SEC24A: variants seen among roughly 807,000 people sequenced by gnomAD.
SEC24A encodes the protein protein transport protein Sec24A.
SEC24A carries 93 observed loss-of-function variants against 129.4 expected under a neutral mutation model. The observed-to-expected ratio is 0.72, with a 90% CI of 0.61 to 0.85. The LOEUF is 0.85. Ranked by LOEUF, SEC24A falls within the 40% of genes least tolerant of loss-of-function variation. The pLI, the probability that SEC24A is intolerant of heterozygous loss-of-function variation, is 0.00. For synonymous variants in SEC24A, 460 were observed against 467.3 expected, an observed-to-expected ratio of 0.98 and a Z score of 0.20; for missense variants, 1,264 against 1,307.4, an observed-to-expected ratio of 0.97 and a Z score of 0.51.
intron 8 of SEC24A, among the ~76,000 whole-genome samples, chr5:134,679,955 C>T (rs910083005): frequency 6.6e-6 from 1 of 151,708 alleles, no homozygotes; most frequent in Non-Finnish European, 1.5e-5. Context: ...ATGGATATCC[C>T]ATTTTTACAT....
rs1268508611 is a variant in SEC24A at position 134,725,511 on chromosome 5, A to G, written c.*417A>G. 1.3e-5 allele frequency: 2 copies of G among 153,768 alleles called. No individual in the cohort carries two copies. Among genetic ancestry groups the G allele is most frequent in the Non-Finnish European group, 2.9e-5 (2 of 68,916 alleles). 9.5% of individuals were successfully genotyped at this position (153,768 alleles called of 1,614,324 possible). A position where few individuals can be genotyped will look rare whatever the true frequency, so the allele number is the denominator to read the frequency against. ...ACCTAAGTGTTGCAGGGAAGTTACA[A>G]ATTGATTGGTAGTGATGTTTTTAAA... On this transcript the variant is annotated 3_prime_UTR_variant, in exon 23 of 23. Coordinates refer to ENST00000398844, the MANE Select transcript of SEC24A (RefSeq NM_021982.3).
intron 8 of SEC24A, 134 bp from the exon 9 acceptor site, chr5:134,682,239 T>A: frequency 2.0e-6 from 1 of 509,540 alleles, no homozygotes; most frequent in Non-Finnish European, 3.5e-6. Context: ...TGAAACTCTG[T>A]CTCAAAAAAA....
intron 13 of SEC24A, 75 bp from the exon 14 acceptor site, chr5:134,697,051 A>G: frequency 2.4e-6 from 2 of 825,180 alleles, no homozygotes; most frequent in East Asian, 5.4e-5. Context: ...ATCATGATGT[A>G]TGTAGATGTG....
rs1329648680 is a variant in SEC24A, at chr5:134,705,074, A to ATT, written c.2441-252_2441-251insTT. 1.7e-4 allele frequency among the ~76,000 whole-genome samples: 21 copies of ATT among 124,912 alleles called. 1 individual carries two copies. Among genetic ancestry groups the ATT allele is most frequent in the South Asian group, 1.6e-3 (6 of 3,698 alleles). 81.9% of individuals were successfully genotyped at this position (124,912 alleles called of 152,430 possible). On this transcript the variant is annotated intron_variant, in intron 16 of 22. Coordinates refer to ENST00000398844, the MANE Select transcript of SEC24A (RefSeq NM_021982.3). ...AGAAGTTATTTATATTTATATTTATATATATATATATATATATTTTTTTTT... is the reference window on the plus strand; with the variant it reads ...AGAAGTTATTTATATTTATATTTATATTTATATATATATATATATTTTTTTTT...
At chr5:134,658,588 G>A (rs924580552) in intron 1 of SEC24A, among the ~76,000 whole-genome samples, 7 of 151,876 alleles carry the variant, frequency 4.6e-5, no homozygotes, top group African/African-American at 1.7e-4. Flanking sequence ...TAATTTTTTT[G>A]TGTGGAAATG....
Position 134,661,292 on chromosome 5 carries a change from G to A in SEC24A, c.271G>A (p.Val91Met). ...GSGQTLNRPP[V>M]ASNPVTPSLH... ...TGGGCAGACTCTTAATAGACCACCT[G>A]TGGCCTCTAATCCAGTGACACCTTC... The change falls in exon 2 of 23, where the codon GTG becomes ATG. Residue 91 changes from valine (V) to methionine (M), a missense_variant. Transcript: ENST00000398844. The A allele has an allele frequency of 6.2e-7, 1 of 1,614,160 alleles. No individual in the cohort carries two copies. The highest frequency in any genetic ancestry group is 1.3e-5 in the African/African-American group (1 of 75,042).
At chr5:134,709,165 C>G (rs1017698109) in intron 18 of SEC24A, among the ~76,000 whole-genome samples, 3 of 152,052 alleles carry the variant, frequency 2.0e-5, no homozygotes, top group Non-Finnish European at 4.4e-5. Flanking sequence ...GAGCCCATAT[C>G]GTGCCACTGT....
At chr5:134,658,696 A>G (rs1025482452) in intron 1 of SEC24A, among the ~76,000 whole-genome samples, 5 of 152,198 alleles carry the variant, frequency 3.3e-5, no homozygotes, top group African/African-American at 1.2e-4. Flanking sequence ...ATGAGCCACC[A>G]TGCCCAACCT....
At chr5:134,703,724 T>A in intron 15 of SEC24A, 35 bp from the exon 16 acceptor site, 1 of 1,399,410 alleles carries the variant, frequency 7.1e-7, no homozygotes, top group Middle Eastern at 1.9e-4. Context: ...TATGTAGGTA[T>A]ATAAAAATAA....
At chr5:134,701,581 G>A (rs1752009343) in intron 15 of SEC24A, among the ~76,000 whole-genome samples, 1 of 151,642 alleles carries the variant, frequency 6.6e-6, no homozygotes, top group Non-Finnish European at 1.5e-5. Context: ...CGCAGTCTCG[G>A]CTCACTGCAA....
intron 15 of SEC24A, among the ~76,000 whole-genome samples, chr5:134,701,574 A>T (rs1051691045): frequency 1.3e-5 from 2 of 150,524 alleles, no homozygotes; most frequent in East Asian, 3.9e-4. Flanking sequence ...GTAATGGCGC[A>T]GTCTCGGCTC....
At position 134,686,767 on chromosome 5, in the gene SEC24A, TAAC is replaced by T. The variant is rs1357810889; in HGVS notation, c.1492-20_1492-18del. 7.0e-7 allele frequency: 1 copy of T among 1,421,370 alleles called. No homozygotes were observed. The highest frequency in any genetic ancestry group is 9.8e-7 in the Non-Finnish European group (1 of 1,021,420). The allele number at this position is 1,421,370 out of a possible 1,614,324, so 88.0% of individuals were successfully genotyped here. A position where few individuals can be genotyped will look rare whatever the true frequency, so the allele number is the denominator to read the frequency against. ...TAAACTTAATCCTGTTAAATGTACT[TAAC>T]AAGATCTTTTTTTCTTCAGTTACGA... is the stretch of plus-strand genomic sequence containing the variant. On this transcript the variant is annotated intron_variant, in intron 9 of 22. Transcript: ENST00000398844.
chr5:134,672,024 T>C (rs1426044355), intron 4 of SEC24A, 138 bp downstream of exon 4: 5 of 593,594 alleles, frequency 8.4e-6, no homozygotes, highest in African/African-American at 1.9e-5. Flanking sequence ...AACTTATTTA[T>C]TTATTTATTT....
chr5:134,649,511 C>T (rs1364067893), intron 1 of SEC24A, among the ~76,000 whole-genome samples: 1 of 152,134 alleles, frequency 6.6e-6, no homozygotes, highest in Non-Finnish European at 1.5e-5. Context: ...CACCTCACCC[C>T]AGTCTCCTAG....
chr5:134,707,565 G>A (rs576117908), intron 17 of SEC24A, among the ~76,000 whole-genome samples: 6 of 152,066 alleles, frequency 3.9e-5, no homozygotes, highest in East Asian at 1.9e-4. Flanking sequence ...TCCTGACCTC[G>A]TGATCCACCC....
intron 12 of SEC24A, chr5:134,693,517 T>G (rs774268991): frequency 6.5e-5 from 93 of 1,422,976 alleles, no homozygotes; most frequent in Non-Finnish European, 7.9e-5. Flanking sequence ...GCAAGAACTG[T>G]AAGGCCCAAC....
chr5:134,723,298 C>T (rs1383527385), intron 21 of SEC24A, among the ~76,000 whole-genome samples: 1 of 151,410 alleles, frequency 6.6e-6, no homozygotes, highest in African/African-American at 2.4e-5. Flanking sequence ...AAACCCATCT[C>T]TACAAGAAAT....
chr5:134,680,532 C>T (rs1475448179), intron 8 of SEC24A, among the ~76,000 whole-genome samples: 1 of 151,874 alleles, frequency 6.6e-6, no homozygotes, highest in African/African-American at 2.4e-5. Context: ...GGAGTTTCAC[C>T]GTTTTGGCCA....
In SEC24A at chr5:134,726,392, A is replaced by G. The variant is rs941503036; in HGVS notation, c.*1298A>G. 2 of 152,502 alleles carry G rather than the reference A, an allele frequency of 1.3e-5. No individual in the cohort carries two copies. The highest frequency in any genetic ancestry group is 2.9e-5 in the Non-Finnish European group (2 of 67,954). 9.4% of individuals were successfully genotyped at this position (152,502 alleles called of 1,614,324 possible). On this transcript the variant is annotated 3_prime_UTR_variant, in exon 23 of 23. Transcript: ENST00000398844. ...TTCATGTATAATACTTGATCAAAAT[A>G]TTTTTGGGTTTTTTGTTTTGTTTTA...
Sources: allele counts gnomAD v4.1 joint callset (sites outside exome capture counted in the v4.1 genomes callset), GRCh38; gene constraint gnomAD v4.1.1; transcripts MANE v1.5; gene names NCBI Gene and HGNC (gene_info 2026-07-23, HGNC 2026-07-21).